MPRIP: variants seen among roughly 807,000 people sequenced by gnomAD.
MPRIP encodes myosin phosphatase Rho interacting protein.
A neutral mutation model predicts 234.9 loss-of-function variants in MPRIP; 59 were observed. The observed-to-expected ratio is 0.25, with a 90% CI of 0.20 to 0.31. The LOEUF (loss-of-function observed/expected upper bound fraction) is 0.31, where lower values mean the gene tolerates loss of function less well. Ranked by LOEUF, MPRIP falls within the 10% of genes least tolerant of loss-of-function variation. The probability of loss-of-function intolerance (pLI) is 1.00; values close to 1 mark genes in which losing one functional copy is unlikely to be tolerated. For missense variants in MPRIP, 2,436 were observed against 3,071.0 expected, an observed-to-expected ratio of 0.79 and a Z score of 4.89; for synonymous variants, 1,144 against 1,263.9, an observed-to-expected ratio of 0.91 and a Z score of 2.01.
chr17:17,091,737 G>T (rs1490136215), intron 3 of MPRIP, among the ~76,000 whole-genome samples: 4 of 152,222 alleles, frequency 2.6e-5, no homozygotes, highest in Non-Finnish European at 4.4e-5. Context: ...AATGGGGAGG[G>T]TGAGAGGCTG....
intron 3 of MPRIP, among the ~76,000 whole-genome samples, chr17:17,096,310 TGTG>T (rs2144183424): frequency 8.2e-6 from 1 of 121,786 alleles, no homozygotes; most frequent in Non-Finnish European, 1.7e-5. Flanking sequence ...TGTGTGTGTG[TGTG>T]TGTGTGTGTG....
At chr17:17,171,022 G>C (rs1300404362) in intron 16 of MPRIP, 2 of 152,152 alleles carry the variant, frequency 1.3e-5, no homozygotes, top group Non-Finnish European at 2.9e-5. Flanking sequence ...TAAGAAAAGA[G>C]TAAGAAAGAA....
At chr17:17,095,083 C>T (rs111931832) in intron 3 of MPRIP, among the ~76,000 whole-genome samples, 1,956 of 152,286 alleles carry the variant, frequency 0.013, 19 homozygotes, top group Non-Finnish European at 0.019. Context: ...TCTGATTCCA[C>T]CTATTGAATT....
chr17:17,154,456 G>T (rs752433022), intron 13 of MPRIP, 41 bp downstream of exon 13: 1 of 1,568,956 alleles, frequency 6.4e-7, no homozygotes, highest in South Asian at 1.1e-5. Flanking sequence ...TGTGCCTCTT[G>T]TGGGTGCCAC....
Position 17,189,818 on chromosome 17 carries a change from G to A in MPRIP, c.*4924G>A, listed in dbSNP as rs4985744. On this transcript the variant is annotated 3_prime_UTR_variant, in exon 24 of 24. Coordinates refer to ENST00000651222, the MANE Select transcript of MPRIP (RefSeq NM_001364716.4). ...TGACACAGGCCAGAGACAACGTTTC[G>A]TTTCCCCTTCCCTGCAAGCTGGGAT... The A allele has an allele frequency of 0.088, 13,329 of 152,226 alleles. 817 individuals are homozygous for A. The highest frequency in any genetic ancestry group is 0.18 in the East Asian group (931 of 5,172). The allele number at this position is 152,226 out of a possible 1,614,324, so 9.4% of individuals were successfully genotyped here. A position where few individuals can be genotyped will look rare whatever the true frequency, so the allele number is the denominator to read the frequency against.
intron 3 of MPRIP, among the ~76,000 whole-genome samples, chr17:17,085,648 T>C (rs2089572230): frequency 6.6e-6 from 1 of 152,200 alleles, no homozygotes; most frequent in African/African-American, 2.4e-5. Context: ...GTGTGGTGGC[T>C]CACGCCTGTA....
chr17:17,090,322 C>A (rs2089685594), intron 3 of MPRIP, among the ~76,000 whole-genome samples: 2 of 152,208 alleles, frequency 1.3e-5, no homozygotes, highest in Non-Finnish European at 2.9e-5. Context: ...ACGGCCCCAA[C>A]CCGTCCCCTG....
chr17:17,075,924 T>C, intron 2 of MPRIP, 137 bp downstream of exon 2: 1 of 767,478 alleles, frequency 1.3e-6, no homozygotes, highest in Non-Finnish European at 2.2e-6. Context: ...GCTCCCCCAT[T>C]TGGTGCACTT....
Position 17,161,407 on chromosome 17 carries a change from T to C in MPRIP, c.2517+51T>C, listed in dbSNP as rs760521101. 3.7e-6 allele frequency: 5 copies of C among 1,342,058 alleles called. No individual in the cohort carries two copies. In the East Asian group the frequency reaches 1.2e-4, roughly 33 times the overall value. The allele number at this position is 1,342,058 out of a possible 1,614,324, so 83.1% of individuals were successfully genotyped here. ...CATGGTGCGCTCAGGAGCTTCAGTG[T>C]GAAGGGTTCATGCTCAGGCAGGCTA... On this transcript the variant is annotated intron_variant, in intron 15 of 23. Coordinates refer to ENST00000651222, the MANE Select transcript of MPRIP (RefSeq NM_001364716.4).
At chr17:17,103,891 G>A (rs1362473969) in intron 3 of MPRIP, among the ~76,000 whole-genome samples, 1 of 152,220 alleles carries the variant, frequency 6.6e-6, no homozygotes, top group South Asian at 2.1e-4. Context: ...AAGCCTCTTT[G>A]TTCCTTTTTA....
intron 1 of MPRIP, among the ~76,000 whole-genome samples, chr17:17,070,184 T>C (rs920874995): frequency 2.6e-5 from 4 of 152,220 alleles, no homozygotes; most frequent in Non-Finnish European, 4.4e-5. Context: ...AGATTTTTTT[T>C]CTCTGGCTTT....
intron 3 of MPRIP, among the ~76,000 whole-genome samples, chr17:17,119,300 T>G (rs1052483268): frequency 3.3e-5 from 5 of 152,250 alleles, no homozygotes; most frequent in African/African-American, 1.2e-4. Flanking sequence ...AATCAGGCCA[T>G]AGCTCAGTGA....
chr17:17,102,049 A>AT (rs1171252325), intron 3 of MPRIP, among the ~76,000 whole-genome samples: 4 of 150,518 alleles, frequency 2.7e-5, no homozygotes, highest in Admixed American at 1.3e-4. Flanking sequence ...TTTTTTTTTA[A>AT]TTTTTTTTAT....
intron 18 of MPRIP, 145 bp downstream of exon 18, chr17:17,172,960 C>T: frequency 4.6e-6 from 3 of 658,204 alleles, no homozygotes; most frequent in Non-Finnish European, 5.3e-6. Context: ...GCTCAGATGC[C>T]CTCTTGTCCA....
chr17:17,144,457 A>G (rs1484714539), intron 9 of MPRIP, among the ~76,000 whole-genome samples: 1 of 152,190 alleles, frequency 6.6e-6, no homozygotes, highest in African/African-American at 2.4e-5. Context: ...CCCAACAGAG[A>G]ACACCAGCAG....
chr17:17,072,217 A>G (rs1345321389), intron 1 of MPRIP, among the ~76,000 whole-genome samples: 2 of 152,226 alleles, frequency 1.3e-5, no homozygotes, highest in Non-Finnish European at 2.9e-5. Context: ...ATAGAGAAGC[A>G]GCAGCTCTTC....
intron 1 of MPRIP, among the ~76,000 whole-genome samples, chr17:17,052,546 A>G (rs1022497540): frequency 4.6e-5 from 7 of 151,896 alleles, no homozygotes; most frequent in African/African-American, 1.7e-4. Context: ...GTCCAGCACG[A>G]TTTTTTCCAA....
chr17:17,072,336 G>T (rs1318950239), intron 1 of MPRIP, among the ~76,000 whole-genome samples: 1 of 152,162 alleles, frequency 6.6e-6, no homozygotes, highest in Admixed American at 6.5e-5. Flanking sequence ...CCCACTGCTG[G>T]CCTAGGCCGG....
At chr17:17,102,672 C>T (rs919694419) in intron 3 of MPRIP, among the ~76,000 whole-genome samples, 11 of 152,170 alleles carry the variant, frequency 7.2e-5, no homozygotes, top group Non-Finnish European at 1.6e-4. Context: ...GAGGCCAGGC[C>T]TGGGCTGACA....
Sources: gnomAD v4.1 joint callset for allele counts (sites outside exome capture counted in the v4.1 genomes callset) on GRCh38, gnomAD v4.1.1 for gene constraint, MANE v1.5 for transcripts, NCBI Gene and HGNC (gene_info 2026-07-23, HGNC 2026-07-21) for gene names.